The following WLS variants were observed in gnomAD, a reference collection of about 807,000 sequenced individuals.
WLS encodes the protein protein wntless homolog.
Under a neutral mutation model 62.8 loss-of-function variants are expected in WLS, and 23 were observed. That is an observed-to-expected ratio of 0.37 (90% CI 0.26 to 0.52). WLS has a LOEUF of 0.52. WLS is among the 20% of genes least tolerant of loss of function. The pLI, the probability that WLS is intolerant of heterozygous loss-of-function variation, is 0.92. For missense variants in WLS, 615 were observed against 697.3 expected, an observed-to-expected ratio of 0.88 and a Z score of 1.33; for synonymous variants, 246 against 244.1, an observed-to-expected ratio of 1.01 and a Z score of -0.07.
At chr1:68,181,389 C>T (rs4655785) in intron 2 of WLS, among the ~76,000 whole-genome samples, 1 of 152,054 alleles carries the variant, frequency 6.6e-6, no homozygotes, top group Non-Finnish European at 1.5e-5. Flanking sequence ...AGAGAATATC[C>T]TCATTTATAT....
intron 11 of WLS, among the ~76,000 whole-genome samples, chr1:68,133,209 T>C (rs888781710): frequency 1.3e-5 from 2 of 152,196 alleles, no homozygotes; most frequent in African/African-American, 4.8e-5. Context: ...ATTACACATA[T>C]AATTCTATGT....
chr1:68,128,676 A>C (rs910616406), intron 11 of WLS, among the ~76,000 whole-genome samples: 5 of 152,218 alleles, frequency 3.3e-5, no homozygotes, highest in African/African-American at 4.8e-5. Context: ...AAACAGCCAA[A>C]ATTGCCTTGG....
intron 11 of WLS, among the ~76,000 whole-genome samples, chr1:68,113,119 G>A (rs1016522734): frequency 6.6e-6 from 1 of 152,160 alleles, no homozygotes; most frequent in Non-Finnish European, 1.5e-5. Context: ...CTCTCCATCT[G>A]TCACTCTGAG....
intron 4 of WLS, 113 bp from the exon 5 acceptor site, chr1:68,153,766 G>A (rs922518798): frequency 2.1e-6 from 3 of 1,397,448 alleles, no homozygotes; most frequent in Non-Finnish European, 9.8e-7. Context: ...GAATGTTCAC[G>A]ATCAAGAGCT....
At chr1:68,212,289 G>A (rs1649547182) in intron 1 of WLS, among the ~76,000 whole-genome samples, 1 of 152,200 alleles carries the variant, frequency 6.6e-6, no homozygotes, top group Admixed American at 6.5e-5. Context: ...GAGTCCCAGA[G>A]CTGAATGAAT....
At chr1:68,161,162 C>T (rs145280380) in intron 2 of WLS, among the ~76,000 whole-genome samples, 30 of 152,182 alleles carry the variant, frequency 2.0e-4, no homozygotes, top group Non-Finnish European at 4.0e-4. Flanking sequence ...TTTTACTGAA[C>T]TTACAACCAA....
intron 1 of WLS, among the ~76,000 whole-genome samples, chr1:68,206,129 C>T (rs1240592993): frequency 6.6e-6 from 1 of 152,194 alleles, no homozygotes; most frequent in Admixed American, 6.5e-5. Context: ...CCCCAAATTT[C>T]TTGCATAGGC....
intron 11 of WLS, among the ~76,000 whole-genome samples, chr1:68,136,808 T>G (rs1223272110): frequency 6.6e-6 from 1 of 152,208 alleles, no homozygotes; most frequent in Non-Finnish European, 1.5e-5. Context: ...AATCCACTCA[T>G]GCAACACACA....
At chr1:68,153,746 C>A in intron 4 of WLS, 93 bp from the exon 5 acceptor site, 1 of 1,539,088 alleles carries the variant, frequency 6.5e-7, no homozygotes, top group Non-Finnish European at 8.9e-7. Flanking sequence ...TAAGTGGAGA[C>A]CTCGTCTGCG....
At chr1:68,121,570 G>A (rs1011941738), downstream of WLS, among the ~76,000 whole-genome samples, 28 of 152,192 alleles carry the variant, frequency 1.8e-4, no homozygotes, top group African/African-American at 3.1e-4. Context: ...AATCAATCAC[G>A]TATCAAAACA....
chr1:68,117,048 C>A (rs943134140), intron 11 of WLS, among the ~76,000 whole-genome samples: 6 of 152,080 alleles, frequency 3.9e-5, no homozygotes, highest in African/African-American at 1.4e-4. Context: ...GGTTCCATTT[C>A]TTCTCAACTT....
At chr1:68,144,028 A>C (rs557776212) in intron 10 of WLS, among the ~76,000 whole-genome samples, 2 of 152,346 alleles carry the variant, frequency 1.3e-5, no homozygotes, top group African/African-American at 4.8e-5. Flanking sequence ...AGATTTAAAC[A>C]GTACTTCCCA....
chr1:68,186,664 T>A (rs1459347098), intron 2 of WLS: 1 of 456,116 alleles, frequency 2.2e-6, no homozygotes, highest in South Asian at 1.5e-5. Context: ...CAGAAAGGAA[T>A]CCAAAGTAAT....
In WLS at chr1:68,110,651, A is replaced by ATCTCTCTCTCTCTCTC. The variant is rs752431176; in HGVS notation, c.1511-11899_1511-11898insGAGAGAGAGAGAGAGA. Among the ~76,000 whole-genome samples, 101 of 126,202 alleles carry ATCTCTCTCTCTCTCTC rather than the reference A, an allele frequency of 8.0e-4. 1 individual carries two copies. The highest frequency in any genetic ancestry group is 2.8e-3 in the African/African-American group (92 of 32,502). The allele number at this position is 126,202 out of a possible 152,430, so 82.8% of individuals were successfully genotyped here. On this transcript the variant is annotated intron_variant, in intron 11 of 11. Coordinates refer to the WLS transcript ENST00000354777. ...GGAACAGACTAAGAAGCCCCCAAAA[A>ATCTCTCTCTCTCTCTC]TCTCTGTCTCTCTCTCTCTCTCTCT...
At chr1:68,173,802 T>A (rs1348726424) in intron 2 of WLS, among the ~76,000 whole-genome samples, 1 of 152,170 alleles carries the variant, frequency 6.6e-6, no homozygotes, top group East Asian at 1.9e-4. Context: ...GCCAGGACTT[T>A]CCCTGCTGAC....
intron 6 of WLS, 142 bp from the exon 7 acceptor site, chr1:68,148,802 G>T: frequency 1.4e-6 from 1 of 717,336 alleles, no homozygotes; most frequent in Non-Finnish European, 2.3e-6. Flanking sequence ...TGAGAACAAA[G>T]AAGATGAAAA....
At chr1:68,098,896 G>C in intron 11 of WLS, 1 of 1,284,346 alleles carries the variant, frequency 7.8e-7, no homozygotes, top group South Asian at 1.8e-5. Flanking sequence ...ATTTGTTTAG[G>C]ACTGTGTCCT....
chr1:68,119,932 G>A (rs2100355284), intron 11 of WLS, among the ~76,000 whole-genome samples: 1 of 152,316 alleles, frequency 6.6e-6, no homozygotes, highest in African/African-American at 2.4e-5. Flanking sequence ...TGCTTAACTG[G>A]GAGGGAAGGC....
At chr1:68,171,813 G>A (rs947697812) in intron 2 of WLS, among the ~76,000 whole-genome samples, 1 of 152,138 alleles carries the variant, frequency 6.6e-6, no homozygotes, top group Non-Finnish European at 1.5e-5. Context: ...CCATTACTGG[G>A]TATATACCCA....
Sources: allele counts gnomAD v4.1 joint callset (sites outside exome capture counted in the v4.1 genomes callset), GRCh38; gene constraint gnomAD v4.1.1; transcripts MANE v1.5; gene names NCBI Gene and HGNC (gene_info 2026-07-23, HGNC 2026-07-21).